The following VTCN1 variants were observed in gnomAD, a reference collection of about 807,000 sequenced individuals.
VTCN1 encodes the protein V-set domain containing T cell activation inhibitor 1.
Under a neutral mutation model 26.5 loss-of-function variants are expected in VTCN1, and 26 were observed. The observed-to-expected ratio is 0.98, with a 90% confidence interval of 0.72 to 1.36. The LOEUF (loss-of-function observed/expected upper bound fraction) is 1.36. Among genes scored for constraint, VTCN1 ranks in the 40% most tolerant of loss-of-function variants. The pLI is 0.00. For missense variants in VTCN1, 298 were observed against 337.7 expected (o/e 0.88, Z 0.92); for synonymous variants, 116 against 130.7 (o/e 0.89, Z 0.77).
chr1:117,200,109 A>C (rs1648721078), intron 1 of VTCN1, among the ~76,000 whole-genome samples: 2 of 152,212 alleles, frequency 1.3e-5, no homozygotes, highest in Non-Finnish European at 1.5e-5. Flanking sequence ...ATTTATAAGG[A>C]TAGAACTATG....
rs1428395074 is a variant in VTCN1, at chr1:117,145,612, A to T, written c.*46-387T>A. ...ATTACCCATTATAATGTGTGTCTCAAATAATGTTCTATTCATTTACTTTTA... is the reference window on the plus strand; with the variant it reads ...ATTACCCATTATAATGTGTGTCTCATATAATGTTCTATTCATTTACTTTTA... On this transcript the variant is annotated intron_variant, in intron 5 of 5. Transcript: ENST00000369458. The surrounding 1 kb of genome is among the most constrained non-coding windows in gnomAD (Gnocchi z 4.6). Among the ~76,000 whole-genome samples the T allele has an allele frequency of 6.6e-6, 1 of 152,140 alleles. No homozygotes were observed. The highest frequency in any genetic ancestry group is 2.4e-5 in the African/African-American group (1 of 41,434).
rs768823282 is a variant in VTCN1, at chr1:117,210,905, C to T, written c.-50G>A. 3.7e-5 allele frequency: 59 copies of T among 1,605,690 alleles called. No individual in the cohort carries two copies. The highest frequency in any genetic ancestry group is 2.5e-4 in the East Asian group (11 of 44,852). On this transcript the variant is annotated 5_prime_UTR_variant, in exon 1 of 6. Transcript: ENST00000369458. Reference sequence around the variant, plus strand: ...CTGGGTACTGGCTGAGTGGAGCTGCCGCTGCCTTCCTTGGTGACTCACAAC... The same window carrying T: ...CTGGGTACTGGCTGAGTGGAGCTGCTGCTGCCTTCCTTGGTGACTCACAAC...
At position 117,183,954 on chromosome 1, in the gene VTCN1, CT is replaced by C. The variant is rs1647801166; in HGVS notation, c.33-13784del. Among the ~76,000 whole-genome samples the C allele has an allele frequency of 6.6e-6, 1 of 152,088 alleles. No homozygotes were observed. The highest frequency in any genetic ancestry group is 1.5e-5 in the Non-Finnish European group (1 of 68,034). On this transcript the variant is annotated intron_variant, in intron 1 of 5. Transcript: ENST00000369458. This position sits in a 1 kb window ranked among gnomAD's most constrained non-coding sequence, Gnocchi z 4.1. ...GGCTATGCATTCCAGGGACCAAAAGCTTCTGTCTTCAGAGCCATACCAAACA... is the reference window on the plus strand; with the variant it reads ...GGCTATGCATTCCAGGGACCAAAAGCTCTGTCTTCAGAGCCATACCAAACA...
intron 4 of VTCN1, among the ~76,000 whole-genome samples, chr1:117,148,150 C>T (rs1375894619): frequency 6.6e-6 from 1 of 152,220 alleles, no homozygotes; most frequent in African/African-American, 2.4e-5. Context: ...ATTACATTAG[C>T]TTTCATCATA....
At chr1:117,199,793 G>T (rs1479627809) in intron 1 of VTCN1, among the ~76,000 whole-genome samples, 3 of 151,742 alleles carry the variant, frequency 2.0e-5, no homozygotes, top group Non-Finnish European at 4.4e-5. Flanking sequence ...GTGCCACCAC[G>T]CCTGGCTAAT....
At chr1:117,156,514 T>C (rs1239843073) in intron 3 of VTCN1, 60 bp downstream of exon 3, 8 of 1,460,904 alleles carry the variant, frequency 5.5e-6, no homozygotes, top group Middle Eastern at 1.8e-4. Flanking sequence ...AAGCAACTCA[T>C]AATCTTTAGC....
At chr1:117,160,336 G>A (rs536411712) in intron 2 of VTCN1, among the ~76,000 whole-genome samples, 3 of 152,110 alleles carry the variant, frequency 2.0e-5, no homozygotes, top group African/African-American at 7.2e-5. Context: ...CCAACATAAC[G>A]GGTCCTGAGC....
At chr1:117,181,055 G>A (rs773289907) in intron 1 of VTCN1, among the ~76,000 whole-genome samples, 3 of 152,180 alleles carry the variant, frequency 2.0e-5, no homozygotes, top group Non-Finnish European at 4.4e-5. Context: ...CAGGGCTATC[G>A]TGAGGGTCCA....
chr1:117,156,428 G>T, intron 3 of VTCN1, 146 bp downstream of exon 3: 2 of 871,680 alleles, frequency 2.3e-6, no homozygotes, highest in Non-Finnish European at 3.4e-6. Flanking sequence ...TGTGAGTCTT[G>T]GCCATAAAAT....
At position 117,159,441 on chromosome 1, in the gene VTCN1, G is replaced by A. The variant is rs1476590195; in HGVS notation, c.98-2520C>T. Among the ~76,000 whole-genome samples, 1 of 152,148 alleles carries A rather than the reference G, an allele frequency of 6.6e-6. No individual in the cohort carries two copies. The highest frequency in any genetic ancestry group is 1.9e-4 in the East Asian group (1 of 5,200). On this transcript the variant is annotated intron_variant, in intron 2 of 5. Transcript: ENST00000369458. The surrounding 1 kb of genome is among the most constrained non-coding windows in gnomAD (Gnocchi z 4.7). ...ATTTACTACCATGAGAACAGTATGG[G>A]GGGAACCACCCCCATGATTCAAATG... is the stretch of plus-strand genomic sequence containing the variant.
At chr1:117,151,298 G>T (rs1651778997) in intron 4 of VTCN1, among the ~76,000 whole-genome samples, 2 of 150,352 alleles carry the variant, frequency 1.3e-5, no homozygotes, top group South Asian at 2.1e-4. Flanking sequence ...GGAGTTGTTT[G>T]TTCCTCCCAG....
chr1:117,172,789 TAAATGCACCAATCAGCACTCTGTAA>T (rs67928130), intron 1 of VTCN1, among the ~76,000 whole-genome samples: 84,622 of 151,178 alleles, frequency 0.56, 25,120 homozygotes, highest in East Asian at 0.9. Flanking sequence ...TGAAGGATTG[TAAATGCACCAATCAGCACTCTGTAA>T]AAATGCACCA....
chr1:117,193,078 G>A (rs1261032637), intron 1 of VTCN1, among the ~76,000 whole-genome samples: 1 of 152,146 alleles, frequency 6.6e-6, no homozygotes, highest in Non-Finnish European at 1.5e-5. Flanking sequence ...GGTATTTTAA[G>A]TAATCTAGAG....
Position 117,159,770 on chromosome 1 carries a change from A to C in VTCN1, c.98-2849T>G, listed in dbSNP as rs1652271430. On this transcript the variant is annotated intron_variant, in intron 2 of 5. Transcript: ENST00000369458. This position sits in a 1 kb window ranked among gnomAD's most constrained non-coding sequence, Gnocchi z 4.7. The stretch of plus-strand genomic sequence containing the variant: ...TTTATTTCTGTTTGAATGACATAGA[A>C]ACTAAGGCAGTGAGAAAATAACTGA... Among the ~76,000 whole-genome samples, 1 of 152,210 alleles carries C rather than the reference A, an allele frequency of 6.6e-6. No homozygotes were observed. The highest frequency in any genetic ancestry group is 2.1e-4 in the South Asian group (1 of 4,822).
chr1:117,155,620 CTG>C lies in VTCN1; in HGVS notation c.445+952_445+953del, dbSNP rs1652031725. Among the ~76,000 whole-genome samples the C allele has an allele frequency of 1.3e-5, 2 of 152,182 alleles. No individual in the cohort carries two copies. The highest frequency in any genetic ancestry group is 2.9e-5 in the Non-Finnish European group (2 of 68,026). Reference sequence around the variant, plus strand: ...ATGACCCCATTTTAAGATGAAGAAACTGAGGCTCAGAGAGATTGCTTTGCCCA... The same window carrying C: ...ATGACCCCATTTTAAGATGAAGAAACAGGCTCAGAGAGATTGCTTTGCCCA... On this transcript the variant is annotated intron_variant, in intron 3 of 5. Transcript: ENST00000369458. The surrounding 1 kb of genome is among the most constrained non-coding windows in gnomAD (Gnocchi z 4.8).
intron 1 of VTCN1, among the ~76,000 whole-genome samples, chr1:117,196,403 TAGAGAG>T (rs68151432): frequency 2.1e-5 from 3 of 145,252 alleles, no homozygotes; most frequent in Non-Finnish European, 3.0e-5. Context: ...TATATATATA[TAGAGAG>T]AGAGAGAGAG....
intron 2 of VTCN1, among the ~76,000 whole-genome samples, chr1:117,160,864 A>G (rs144569822): frequency 2.0e-5 from 3 of 152,204 alleles, no homozygotes; most frequent in African/African-American, 7.2e-5. Context: ...AATGAGGGTA[A>G]TGAATGAGGA....
Position 117,146,919 on chromosome 1 carries a change from C to T in VTCN1, c.*45+694G>A, listed in dbSNP as rs1651541980. 6.6e-6 allele frequency among the ~76,000 whole-genome samples: 1 copy of T among 152,000 alleles called. No homozygotes were observed. Among genetic ancestry groups the T allele is most frequent in the African/African-American group, 2.4e-5 (1 of 41,366 alleles). ...GAGATGATGAAGGCTGGATTAGGGT[C>T]AATCTGAGAGGCAACACAGGGGAAA... is the stretch of plus-strand genomic sequence containing the variant. On this transcript the variant is annotated intron_variant, in intron 5 of 5. Transcript: ENST00000369458. This position sits in a 1 kb window ranked among gnomAD's most constrained non-coding sequence, Gnocchi z 4.2.
intron 1 of VTCN1, chr1:117,203,500 G>T: frequency 1.6e-6 from 1 of 620,892 alleles, no homozygotes; most frequent in Non-Finnish European, 2.0e-6. Flanking sequence ...TGACCGCTGT[G>T]CTGGCAGCAG....
Sources: gnomAD v4.1 joint callset for allele counts (sites outside exome capture counted in the v4.1 genomes callset) on GRCh38, gnomAD v4.1.1 for gene constraint, Gnocchi (gnomAD v3.1) non-coding constraint, MANE v1.5 for transcripts, NCBI Gene and HGNC (gene_info 2026-07-23, HGNC 2026-07-21) for gene names.